The following KIAA0319L variants were observed in gnomAD, a reference collection of about 807,000 sequenced individuals.
KIAA0319L encodes the protein dyslexia-associated protein KIAA0319-like protein.
Under a neutral mutation model 120.1 loss-of-function variants are expected in KIAA0319L, and 55 were observed. That is an observed-to-expected ratio of 0.46 (90% confidence interval 0.37 to 0.57). The LOEUF (loss-of-function observed/expected upper bound fraction) is 0.57, where lower values mean the gene tolerates loss of function less well. Ranked by LOEUF, KIAA0319L falls within the 20% of genes least tolerant of loss-of-function variation. The pLI is 0.00. For synonymous variants in KIAA0319L, 398 were observed against 471.9 expected (o/e 0.84, Z 2.03); for missense variants, 1,049 against 1,255.3 (o/e 0.84, Z 2.48).
intron 2 of KIAA0319L, among the ~76,000 whole-genome samples, chr1:35,530,369 G>A (rs1646318095): frequency 1.3e-5 from 2 of 152,006 alleles, no homozygotes; most frequent in South Asian, 2.1e-4. Context: ...CTAGTTTATC[G>A]CTAAAGCTCT....
intron 18 of KIAA0319L, 51 bp from the exon 19 acceptor site, chr1:35,442,387 G>A (rs777643339): frequency 1.1e-5 from 16 of 1,433,500 alleles, no homozygotes; most frequent in African/African-American, 2.8e-5. Context: ...GGCTGGGAGG[G>A]AGGTCTGGGC....
intron 2 of KIAA0319L, among the ~76,000 whole-genome samples, chr1:35,528,388 G>A (rs1328492585): frequency 6.6e-6 from 1 of 152,138 alleles, no homozygotes; most frequent in Non-Finnish European, 1.5e-5. Flanking sequence ...TGATCCAATG[G>A]TCACTCAGGT....
chr1:35,533,463 T>TA (rs1321376873), intron 2 of KIAA0319L: 3 of 152,242 alleles, frequency 2.0e-5, no homozygotes, highest in Admixed American at 2.0e-4. Context: ...AATACATGGT[T>TA]AGAGTATTCT....
intron 3 of KIAA0319L, among the ~76,000 whole-genome samples, chr1:35,487,311 G>C (rs1460141817): frequency 6.6e-6 from 1 of 151,374 alleles, no homozygotes; most frequent in African/African-American, 2.4e-5. Flanking sequence ...GAGTACAACA[G>C]TGTGATCTTC....
At chr1:35,489,609 A>G (rs1215003672) in intron 3 of KIAA0319L, among the ~76,000 whole-genome samples, 1 of 152,018 alleles carries the variant, frequency 6.6e-6, no homozygotes, top group East Asian at 1.9e-4. Context: ...TCAGATGTAT[A>G]TGGAGAAACT....
chr1:35,435,225 G>A (rs1570585049), intron 20 of KIAA0319L, 144 bp from the exon 21 acceptor site: 2 of 711,544 alleles, frequency 2.8e-6, no homozygotes, highest in African/African-American at 3.6e-5. Context: ...TGGGAAGGAA[G>A]CTTCCCTAGT....
At chr1:35,516,766 T>C (rs1167758904) in intron 2 of KIAA0319L, among the ~76,000 whole-genome samples, 1 of 152,150 alleles carries the variant, frequency 6.6e-6, no homozygotes, top group East Asian at 1.9e-4. Flanking sequence ...AGTCCAACTA[T>C]CCCTGTTTGC....
chr1:35,439,103 G>A (rs1641014314), intron 20 of KIAA0319L: 1 of 152,238 alleles, frequency 6.6e-6, no homozygotes. Flanking sequence ...GTCCTCAGCA[G>A]GGACCCTGCT....
intron 2 of KIAA0319L, among the ~76,000 whole-genome samples, chr1:35,542,377 C>T (rs949907088): frequency 6.6e-6 from 1 of 152,186 alleles, no homozygotes; most frequent in Non-Finnish European, 1.5e-5. Flanking sequence ...CCATGCTCCA[C>T]GCCCTTCGCC....
intron 3 of KIAA0319L, among the ~76,000 whole-genome samples, chr1:35,491,903 A>C (rs902060106): frequency 6.6e-6 from 1 of 152,250 alleles, no homozygotes; most frequent in Non-Finnish European, 1.5e-5. Flanking sequence ...AATGGCATGA[A>C]ATGCATAAAT....
rs760556640 is a variant in KIAA0319L at position 35,470,910 on chromosome 1, TG to T, written c.1065del (p.Tyr355Ter). The stretch of plus-strand genomic sequence containing the variant: ...GAATGTTTCCCTTCCATTTCTCCAC[TG>T]TAGTCTCTAGGATGAGTAATCAGCT... ...DWQLITHPRD[Y>X]SGEMEGKHSQ... On this transcript the variant is annotated frameshift_variant, in exon 6 of 21. Transcript: ENST00000325722. LOFTEE classifies it high-confidence loss of function. The T allele has an allele frequency of 6.2e-7, 1 of 1,613,734 alleles. No individual in the cohort carries two copies. Among genetic ancestry groups the T allele is most frequent in the Non-Finnish European group, 8.5e-7 (1 of 1,179,582 alleles).
Position 35,523,015 on chromosome 1 carries a change from A to T in KIAA0319L, c.143-15880T>A, listed in dbSNP as rs971214574. The stretch of plus-strand genomic sequence containing the variant: ...GCCTGGCAAGAGTGAAACTCCACAT[A>T]AAAAAAAAAAAAAAAAAAAAAAATC... On this transcript the variant is annotated intron_variant, in intron 2 of 20. Transcript: ENST00000325722. Among the ~76,000 whole-genome samples the T allele has an allele frequency of 1.8e-4, 17 of 92,016 alleles. 1 individual carries two copies. In the East Asian group the frequency reaches 2.8e-3, roughly 15 times the overall value. The allele number at this position is 92,016 out of a possible 152,430, so 60.4% of individuals were successfully genotyped here. A position where few individuals can be genotyped will look rare whatever the true frequency, so the allele number is the denominator to read the frequency against.
chr1:35,455,114 G>C (rs1642347726), intron 10 of KIAA0319L, among the ~76,000 whole-genome samples: 1 of 152,234 alleles, frequency 6.6e-6, no homozygotes, highest in African/African-American at 2.4e-5. Context: ...ACTTCCTGTA[G>C]AGCAGTAGGC....
intron 16 of KIAA0319L, 84 bp downstream of exon 16, chr1:35,448,089 C>G: frequency 4.5e-6 from 6 of 1,326,520 alleles, no homozygotes; most frequent in Non-Finnish European, 6.2e-6. Flanking sequence ...CTTTCTCTAT[C>G]TAACCACACT....
intron 14 of KIAA0319L, 139 bp from the exon 15 acceptor site, chr1:35,450,144 T>C (rs1354187299): frequency 2.8e-5 from 31 of 1,111,312 alleles, no homozygotes; most frequent in South Asian, 1.1e-4. Flanking sequence ...CGGAACAGCA[T>C]TGCAGCCTAC....
intron 3 of KIAA0319L, among the ~76,000 whole-genome samples, chr1:35,484,804 ATATTTTT>A (rs1644317020): frequency 4.6e-5 from 2 of 43,698 alleles, no homozygotes; most frequent in African/African-American, 2.5e-4. Context: ...ATATATATAT[ATATTTTT>A]TTTTTTATTA....
chr1:35,535,426 CA>C (rs1284872308), intron 2 of KIAA0319L, among the ~76,000 whole-genome samples: 1 of 152,098 alleles, frequency 6.6e-6, no homozygotes, highest in Non-Finnish European at 1.5e-5. Context: ...GCCCCCACCC[CA>C]AAAATCTGTG....
At chr1:35,552,297 G>A (rs1647274692) in intron 2 of KIAA0319L, among the ~76,000 whole-genome samples, 3 of 151,978 alleles carry the variant, frequency 2.0e-5, no homozygotes, top group South Asian at 2.1e-4. Context: ...AGCAGAGATC[G>A]CACTGCGCCA....
intron 2 of KIAA0319L, among the ~76,000 whole-genome samples, chr1:35,553,163 T>C (rs1647405120): frequency 6.6e-6 from 1 of 151,830 alleles, no homozygotes; most frequent in Non-Finnish European, 1.5e-5. Flanking sequence ...CCCAGGAGTT[T>C]GAGGCTGCAG....
Sources: gnomAD v4.1 joint callset for allele counts (sites outside exome capture counted in the v4.1 genomes callset) on GRCh38, gnomAD v4.1.1 for gene constraint, MANE v1.5 for transcripts, NCBI Gene and HGNC (gene_info 2026-07-23, HGNC 2026-07-21) for gene names.